The following PEBP4 variants were observed in gnomAD, a reference collection of about 807,000 sequenced individuals.
The protein encoded by PEBP4 is phosphatidylethanolamine binding protein 4.
In PEBP4, 22 loss-of-function variants were observed where a neutral mutation model predicts 23.9. The observed-to-expected ratio is 0.92, with a 90% CI of 0.66 to 1.31. The LOEUF (loss-of-function observed/expected upper bound fraction) is 1.31, where lower values mean the gene tolerates loss of function less well. Ranked by LOEUF, PEBP4 falls within the 40% of genes most tolerant of loss-of-function variation. PEBP4 has a pLI of 0.00. For synonymous variants in PEBP4, 112 were observed against 99.3 expected (o/e 1.13, Z -0.76); for missense variants, 324 against 281.7 (o/e 1.15, Z -1.07).
intron 3 of PEBP4, among the ~76,000 whole-genome samples, chr8:22,821,658 T>C (rs1806859096): frequency 6.6e-6 from 1 of 151,558 alleles, no homozygotes; most frequent in African/African-American, 2.4e-5. Flanking sequence ...GTGGTGGAAC[T>C]TGGGAACTCA....
At chr8:22,791,332 G>A (rs1428095885) in intron 4 of PEBP4, among the ~76,000 whole-genome samples, 1 of 152,022 alleles carries the variant, frequency 6.6e-6, no homozygotes, top group Non-Finnish European at 1.5e-5. Context: ...GAGGAGTTTT[G>A]AGCCGTACAA....
At chr8:22,876,616 G>A (rs1169468372) in intron 3 of PEBP4, among the ~76,000 whole-genome samples, 1 of 152,166 alleles carries the variant, frequency 6.6e-6, no homozygotes, top group Non-Finnish European at 1.5e-5. Context: ...TGCAGCCCAG[G>A]GGCACCTCAC....
intron 6 of PEBP4, among the ~76,000 whole-genome samples, chr8:22,720,387 G>A (rs549658523): frequency 6.6e-6 from 1 of 152,212 alleles, no homozygotes; most frequent in Non-Finnish European, 1.5e-5. Flanking sequence ...GGCATTGCGG[G>A]TCTGGGAAGG....
At chr8:22,917,896 G>A (rs1438357303) in intron 3 of PEBP4, among the ~76,000 whole-genome samples, 1 of 152,042 alleles carries the variant, frequency 6.6e-6, no homozygotes, top group Non-Finnish European at 1.5e-5. Context: ...TTGTCACAAG[G>A]GAAGACTCTA....
At chr8:22,935,199 GAAC>G (rs1809518035) in intron 1 of PEBP4, among the ~76,000 whole-genome samples, 8 of 152,162 alleles carry the variant, frequency 5.3e-5, no homozygotes, top group Admixed American at 4.6e-4. Flanking sequence ...ATAGTGAATA[GAAC>G]AACTAGGCAG....
chr8:22,919,795 C>T (rs549750767), intron 3 of PEBP4, among the ~76,000 whole-genome samples: 3 of 152,310 alleles, frequency 2.0e-5, no homozygotes, highest in South Asian at 2.1e-4. Flanking sequence ...AGGCACCCCG[C>T]GCCTTGAGAG....
intron 4 of PEBP4, among the ~76,000 whole-genome samples, chr8:22,755,107 G>A (rs1421297770): frequency 6.6e-6 from 1 of 152,196 alleles, no homozygotes; most frequent in Admixed American, 6.5e-5. Flanking sequence ...AACCACTCCT[G>A]AGTTCACCTG....
intron 4 of PEBP4, among the ~76,000 whole-genome samples, chr8:22,762,027 A>G (rs1299731496): frequency 6.6e-6 from 1 of 151,226 alleles, no homozygotes; most frequent in Admixed American, 6.6e-5. Flanking sequence ...CCAAACCCCA[A>G]CTACTTTCTA....
In PEBP4 at chr8:22,824,819, G is replaced by A. The variant is rs114718120; in HGVS notation, c.259-7084C>T. ...ACTGACAGGAGGTGGAGCCCAGGTGGTAACAGGAATGATGGGGAGTGGCTG... is the reference window on the plus strand; with the variant it reads ...ACTGACAGGAGGTGGAGCCCAGGTGATAACAGGAATGATGGGGAGTGGCTG... On this transcript the variant is annotated intron_variant, in intron 3 of 6. Coordinates refer to ENST00000256404, the MANE Select transcript of PEBP4 (RefSeq NM_144962.3). Among the ~76,000 whole-genome samples, 753 of 152,298 alleles carry A rather than the reference G, an allele frequency of 4.9e-3. 2 individuals are homozygous for A. Among genetic ancestry groups the A allele is most frequent in the African/African-American group, 0.017 (727 of 41,550 alleles).
chr8:22,773,758 T>A (rs1805761766), intron 4 of PEBP4, among the ~76,000 whole-genome samples: 1 of 152,136 alleles, frequency 6.6e-6, no homozygotes, highest in African/African-American at 2.4e-5. Context: ...TCTGTTCCCT[T>A]GGGAGCCTCA....
intron 4 of PEBP4, among the ~76,000 whole-genome samples, chr8:22,749,107 A>C (rs1805191401): frequency 6.6e-6 from 1 of 152,194 alleles, no homozygotes; most frequent in Non-Finnish European, 1.5e-5. Context: ...GAGCTTCTGC[A>C]TCTGCTTCAG....
chr8:22,910,589 G>T (rs979407317), intron 3 of PEBP4, among the ~76,000 whole-genome samples: 15 of 152,218 alleles, frequency 9.9e-5, no homozygotes, highest in Non-Finnish European at 1.8e-4. Flanking sequence ...TTAGCCCCAG[G>T]GCAACTGCCC....
At position 22,728,601 on chromosome 8, in the gene PEBP4, TTCCTTCCTTCCC is replaced by T. The variant is rs1321914226; in HGVS notation, c.358-1393_358-1382del. 1.6e-3 allele frequency among the ~76,000 whole-genome samples: 212 copies of T among 133,318 alleles called. 2 individuals are homozygous for T. The East Asian group carries it at 0.042, about 26-fold the overall frequency. The allele number at this position is 133,318 out of a possible 152,430, so 87.5% of individuals were successfully genotyped here. A position where few individuals can be genotyped will look rare whatever the true frequency, so the allele number is the denominator to read the frequency against. ...CTTCCTTCCTTCCTTCCTTCCTTCC[TTCCTTCCTTCCC>T]TTTTTTTGGAGTCTCGCTCTGTCAT... On this transcript the variant is annotated intron_variant, in intron 4 of 6. Coordinates refer to ENST00000256404, the MANE Select transcript of PEBP4 (RefSeq NM_144962.3).
intron 3 of PEBP4, among the ~76,000 whole-genome samples, chr8:22,844,429 G>A (rs1338885952): frequency 6.6e-6 from 1 of 151,986 alleles, no homozygotes; most frequent in East Asian, 1.9e-4. Flanking sequence ...AATAGAGACG[G>A]GCTTTCTCCA....
intron 3 of PEBP4, among the ~76,000 whole-genome samples, chr8:22,844,796 ACT>A (rs1807395090): frequency 6.6e-6 from 1 of 151,826 alleles, no homozygotes; most frequent in Non-Finnish European, 1.5e-5. Flanking sequence ...CTGGGATCTG[ACT>A]CTGACTCCCA....
chr8:22,860,398 C>T, intron 3 of PEBP4, among the ~76,000 whole-genome samples: 1 of 152,120 alleles, frequency 6.6e-6, no homozygotes, highest in East Asian at 1.9e-4. Flanking sequence ...TCCCTCTCCC[C>T]CCAGCTCCTG....
intron 3 of PEBP4, among the ~76,000 whole-genome samples, chr8:22,834,597 C>T (rs770835935): frequency 1.3e-5 from 2 of 152,228 alleles, no homozygotes; most frequent in Non-Finnish European, 2.9e-5. Flanking sequence ...GAAGCTAAAA[C>T]ACTGGATTTC....
intron 4 of PEBP4, among the ~76,000 whole-genome samples, chr8:22,816,184 C>G (rs1806736730): frequency 6.6e-6 from 1 of 152,234 alleles, no homozygotes; most frequent in Admixed American, 6.5e-5. Context: ...CCTCCCAGCT[C>G]TGTCCCTTTG....
intron 3 of PEBP4, 59 bp from the exon 4 acceptor site, chr8:22,817,794 G>C (rs1008952343): frequency 6.8e-7 from 1 of 1,477,802 alleles, no homozygotes; most frequent in African/African-American, 1.4e-5. Context: ...AAAATACCAC[G>C]GGGCAGACCT....
Sources: allele counts gnomAD v4.1 joint callset (sites outside exome capture counted in the v4.1 genomes callset), GRCh38; gene constraint gnomAD v4.1.1; transcripts MANE v1.5; gene names NCBI Gene and HGNC (gene_info 2026-07-23, HGNC 2026-07-21).